Variants in NKAIN3 observed in about 807,000 individuals in gnomAD.
NKAIN3 encodes sodium/potassium transporting ATPase interacting 3.
NKAIN3 carries 25 observed loss-of-function variants against 30.2 expected under a neutral mutation model. That is an observed-to-expected ratio of 0.83 (90% CI 0.60 to 1.16). NKAIN3 has a LOEUF of 1.16. NKAIN3 is among the 50% of genes most tolerant of loss of function. NKAIN3 has a pLI of 0.00. For synonymous variants in NKAIN3, 91 were observed against 89.6 expected, an observed-to-expected ratio of 1.02 and a Z score of -0.09; for missense variants, 225 against 254.1, an observed-to-expected ratio of 0.89 and a Z score of 0.78.
At chr8:62,437,012 C>T (rs1050371992) in intron 1 of NKAIN3, among the ~76,000 whole-genome samples, 4 of 152,116 alleles carry the variant, frequency 2.6e-5, no homozygotes, top group African/African-American at 9.7e-5. Flanking sequence ...TTCTTCAGCA[C>T]ATTGTTTTCC....
chr8:62,871,836 C>G (rs1486924424), intron 4 of NKAIN3, among the ~76,000 whole-genome samples: 1 of 152,170 alleles, frequency 6.6e-6, no homozygotes, highest in Non-Finnish European at 1.5e-5. Context: ...TCTAGAATAT[C>G]TCAGCTATGC....
intron 4 of NKAIN3, among the ~76,000 whole-genome samples, chr8:62,809,455 C>T (rs1239878384): frequency 1.3e-5 from 2 of 152,096 alleles, no homozygotes; most frequent in Admixed American, 6.6e-5. Context: ...AATAAATGTC[C>T]ATGAAATCTT....
intron 4 of NKAIN3, chr8:62,856,012 A>G (rs1315408376): frequency 1.5e-6 from 1 of 687,476 alleles, no homozygotes; most frequent in South Asian, 1.6e-5. Flanking sequence ...GGGCACATGA[A>G]CAGGGAGGGC....
chr8:62,695,952 T>C (rs1387213589), intron 3 of NKAIN3, among the ~76,000 whole-genome samples: 3 of 152,068 alleles, frequency 2.0e-5, no homozygotes, highest in Non-Finnish European at 4.4e-5. Context: ...AATGAAGGAA[T>C]TTTTTTAAAG....
intron 1 of NKAIN3, among the ~76,000 whole-genome samples, chr8:62,431,231 C>T (rs1804986905): frequency 6.6e-6 from 1 of 151,724 alleles, no homozygotes; most frequent in African/African-American, 2.4e-5. Context: ...AGGCTGCATT[C>T]TTTTAAAGTA....
chr8:62,491,146 C>T (rs1326117982), intron 1 of NKAIN3, among the ~76,000 whole-genome samples: 2 of 152,150 alleles, frequency 1.3e-5, no homozygotes, highest in Non-Finnish European at 2.9e-5. Context: ...GAAAAACTAT[C>T]ACATCAAACT....
chr8:62,781,435 G>T (rs917609985), intron 4 of NKAIN3, among the ~76,000 whole-genome samples: 1 of 151,652 alleles, frequency 6.6e-6, no homozygotes, highest in African/African-American at 2.4e-5. Context: ...ATCTTAAAAT[G>T]TGTATGGAAT....
chr8:62,935,308 T>C (rs940790564), intron 5 of NKAIN3, among the ~76,000 whole-genome samples: 1 of 152,134 alleles, frequency 6.6e-6, no homozygotes, highest in Non-Finnish European at 1.5e-5. Flanking sequence ...GAAATAACAG[T>C]TAATGAGAGT....
intron 4 of NKAIN3, among the ~76,000 whole-genome samples, chr8:62,802,206 T>C (rs1343836482): frequency 1.3e-5 from 2 of 152,128 alleles, no homozygotes; most frequent in Non-Finnish European, 2.9e-5. Flanking sequence ...CAGGATATTA[T>C]CCAGGAGAAA....
chr8:62,555,579 A>C (rs1271118257), intron 1 of NKAIN3, among the ~76,000 whole-genome samples: 1 of 152,032 alleles, frequency 6.6e-6, no homozygotes, highest in Non-Finnish European at 1.5e-5. Context: ...GAGACATGGG[A>C]ATAGAATGAG....
intron 1 of NKAIN3, among the ~76,000 whole-genome samples, chr8:62,373,626 T>C (rs1207567161): frequency 6.6e-6 from 1 of 152,220 alleles, no homozygotes; most frequent in Non-Finnish European, 1.5e-5. Context: ...GATCATTTGA[T>C]GTAAGGTTGC....
intron 3 of NKAIN3, among the ~76,000 whole-genome samples, chr8:62,651,915 C>T (rs1481545043): frequency 6.6e-6 from 1 of 152,082 alleles, no homozygotes; most frequent in Non-Finnish European, 1.5e-5. Context: ...TTTCTGAGGC[C>T]CTCACCAGAA....
At chr8:62,813,527 G>A (rs761787976) in intron 4 of NKAIN3, among the ~76,000 whole-genome samples, 4 of 149,206 alleles carry the variant, frequency 2.7e-5, no homozygotes, top group Non-Finnish European at 5.9e-5. Context: ...AATCCATTTG[G>A]CCAGTCTGTA....
intron 4 of NKAIN3, chr8:62,863,140 T>G: frequency 6.7e-7 from 1 of 1,482,414 alleles, no homozygotes; most frequent in Non-Finnish European, 9.4e-7. Flanking sequence ...TGAGGTGATG[T>G]TTTCTTCTAT....
chr8:62,733,476 G>A (rs1482659389), intron 3 of NKAIN3, among the ~76,000 whole-genome samples: 1 of 152,070 alleles, frequency 6.6e-6, no homozygotes, highest in Non-Finnish European at 1.5e-5. Context: ...GAGAGTAATA[G>A]GTTCTTGCTT....
At chr8:62,391,034 C>T (rs967922289) in intron 1 of NKAIN3, among the ~76,000 whole-genome samples, 12 of 152,090 alleles carry the variant, frequency 7.9e-5, no homozygotes, top group South Asian at 2.1e-4. Context: ...TGTGCAGAAG[C>T]GCTTTGGTTT....
intron 1 of NKAIN3, chr8:62,383,516 T>C (rs1378174552): frequency 2.2e-6 from 1 of 455,658 alleles, no homozygotes; most frequent in Admixed American, 2.3e-5. Flanking sequence ...CAGGCAGATC[T>C]TTCTCCTCAA....
In NKAIN3 at chr8:62,981,826, T is replaced by A. The variant is rs1324914867; in HGVS notation, c.*16419T>A. ...CTCTAAAACTCCTGAGTTTTACATG[T>A]ACCCTAAAACTTAAAGTATAGTAAA... On this transcript the variant is annotated 3_prime_UTR_variant, in exon 7 of 7. Coordinates refer to ENST00000623646, the MANE Select transcript of NKAIN3 (RefSeq NM_001304533.3). The A allele has an allele frequency of 6.6e-6, 1 of 151,382 alleles. No individual in the cohort carries two copies. The highest frequency in any genetic ancestry group is 1.5e-5 in the Non-Finnish European group (1 of 67,876). The allele number at this position is 151,382 out of a possible 1,614,324, so 9.4% of individuals were successfully genotyped here.
chr8:62,865,649 A>G (rs1820394386), intron 4 of NKAIN3, among the ~76,000 whole-genome samples: 1 of 152,180 alleles, frequency 6.6e-6, no homozygotes, highest in Admixed American at 6.5e-5. Context: ...GTGACTATCT[A>G]TTTATGAAAA....
Sources: allele counts gnomAD v4.1 joint callset (sites outside exome capture counted in the v4.1 genomes callset), GRCh38; gene constraint gnomAD v4.1.1; transcripts MANE v1.5; gene names NCBI Gene and HGNC (gene_info 2026-07-23, HGNC 2026-07-21).